The following NKAIN3 variants were observed in gnomAD, a reference collection of about 807,000 sequenced individuals.
NKAIN3 encodes sodium/potassium-transporting ATPase subunit beta-1-interacting protein 3.
NKAIN3 carries 25 observed loss-of-function variants against 30.2 expected under a neutral mutation model. The observed-to-expected ratio is 0.83, with a 90% CI of 0.60 to 1.16. The LOEUF (loss-of-function observed/expected upper bound fraction) is 1.16, where lower values mean the gene tolerates loss of function less well. Among genes scored for constraint, NKAIN3 ranks in the 50% most tolerant of loss-of-function variants. NKAIN3 has a pLI of 0.00. For missense variants in NKAIN3, 225 were observed against 254.1 expected (o/e 0.89, Z 0.78); for synonymous variants, 91 against 89.6 (o/e 1.02, Z -0.09).
intron 1 of NKAIN3, among the ~76,000 whole-genome samples, chr8:62,515,765 G>T (rs185556586): frequency 2.9e-3 from 446 of 152,058 alleles, no homozygotes; most frequent in African/African-American, 9.3e-3. Flanking sequence ...TCTAATTTTT[G>T]CCAGTCTGAT....
intron 1 of NKAIN3, among the ~76,000 whole-genome samples, chr8:62,518,395 A>G (rs1388370258): frequency 6.6e-6 from 1 of 152,062 alleles, no homozygotes; most frequent in African/African-American, 2.4e-5. Flanking sequence ...GATTCCATCA[A>G]TCATTGAATT....
intron 1 of NKAIN3, among the ~76,000 whole-genome samples, chr8:62,510,733 GCACAGTGA>G: frequency 6.6e-6 from 1 of 152,010 alleles, no homozygotes; most frequent in Non-Finnish European, 1.5e-5. Flanking sequence ...AGTTTTAGGG[GCACAGTGA>G]GATCATTTTG....
chr8:62,890,614 A>C (rs538454977), intron 4 of NKAIN3, among the ~76,000 whole-genome samples: 1 of 152,362 alleles, frequency 6.6e-6, no homozygotes, highest in East Asian at 1.9e-4. Flanking sequence ...ACAAAGAATT[A>C]GCATTCCATA....
chr8:62,453,483 G>T (rs1805715411), intron 1 of NKAIN3, among the ~76,000 whole-genome samples: 1 of 152,030 alleles, frequency 6.6e-6, no homozygotes, highest in African/African-American at 2.4e-5. Flanking sequence ...ATAACCAAGA[G>T]TAAACCAGCC....
At chr8:62,835,719 GA>G (rs1346747465) in intron 4 of NKAIN3, among the ~76,000 whole-genome samples, 1 of 152,058 alleles carries the variant, frequency 6.6e-6, no homozygotes, top group Admixed American at 6.6e-5. Flanking sequence ...TGAAGAAAAA[GA>G]AACACTTACA....
chr8:62,640,726 AC>A (rs1174507120), intron 3 of NKAIN3, among the ~76,000 whole-genome samples: 1 of 152,040 alleles, frequency 6.6e-6, no homozygotes, highest in Non-Finnish European at 1.5e-5. Flanking sequence ...CCCTCATATC[AC>A]TAAAGGTATC....
At chr8:62,900,875 G>A (rs2130836946) in intron 4 of NKAIN3, among the ~76,000 whole-genome samples, 1 of 152,234 alleles carries the variant, frequency 6.6e-6, no homozygotes, top group South Asian at 2.1e-4. Flanking sequence ...ACCATCAACT[G>A]TGAGGTGAGT....
chr8:62,954,182 C>T (rs999631737), intron 6 of NKAIN3, among the ~76,000 whole-genome samples: 9 of 152,102 alleles, frequency 5.9e-5, no homozygotes, highest in Non-Finnish European at 8.8e-5. Flanking sequence ...ATTTATATTT[C>T]AAAAACAATA....
chr8:62,825,596 G>A (rs1055515527), intron 4 of NKAIN3, among the ~76,000 whole-genome samples: 1 of 152,096 alleles, frequency 6.6e-6, no homozygotes, highest in Non-Finnish European at 1.5e-5. Flanking sequence ...CCTACTGAGC[G>A]AAACAATGGT....
chr8:62,255,602 A>T (rs905293053), intron 1 of NKAIN3, among the ~76,000 whole-genome samples: 5 of 152,224 alleles, frequency 3.3e-5, no homozygotes, highest in African/African-American at 1.2e-4. Flanking sequence ...AGGTAGAACA[A>T]ACCTAGGTTT....
chr8:62,694,692 C>T (rs1814096140), intron 3 of NKAIN3, among the ~76,000 whole-genome samples: 1 of 152,284 alleles, frequency 6.6e-6, no homozygotes, highest in Middle Eastern at 3.4e-3. Flanking sequence ...AACTAAACTA[C>T]CTGGTTACCC....
intron 4 of NKAIN3, among the ~76,000 whole-genome samples, chr8:62,868,341 CT>C (rs35914769): frequency 0.25 from 35,909 of 146,232 alleles, 4,671 homozygotes; most frequent in Non-Finnish European, 0.31. Flanking sequence ...AGTTCATTTC[CT>C]TTTTTTTTTT....
At chr8:62,647,008 G>C (rs1288331044) in intron 3 of NKAIN3, among the ~76,000 whole-genome samples, 1 of 152,102 alleles carries the variant, frequency 6.6e-6, no homozygotes, top group East Asian at 1.9e-4. Context: ...TTGCTATGAA[G>C]TCAATTCTTA....
rs531087571 is a variant in NKAIN3, at chr8:62,950,270, T to C, written c.533-3632T>C. ...CTCGCCCTCTGTGTACACTTTAATTTGCCCCTTTACTTGAGCTCTCATCCC... is the reference window on the plus strand; with the variant it reads ...CTCGCCCTCTGTGTACACTTTAATTCGCCCCTTTACTTGAGCTCTCATCCC... On this transcript the variant is annotated intron_variant, in intron 5 of 6. Transcript: ENST00000623646. 3.3e-5 allele frequency among the ~76,000 whole-genome samples: 5 copies of C among 152,296 alleles called. No homozygotes were observed. In the South Asian group the frequency reaches 1.0e-3, roughly 32 times the overall value.
At chr8:62,745,022 G>A (rs1301936686) in intron 3 of NKAIN3, among the ~76,000 whole-genome samples, 1 of 152,206 alleles carries the variant, frequency 6.6e-6, no homozygotes, top group Non-Finnish European at 1.5e-5. Flanking sequence ...CACTGGGAAT[G>A]TTACTACCCT....
chr8:62,861,439 TG>T (rs1485423183), intron 4 of NKAIN3, among the ~76,000 whole-genome samples: 1 of 152,228 alleles, frequency 6.6e-6, no homozygotes, highest in Non-Finnish European at 1.5e-5. Context: ...CTTGTGATTC[TG>T]GGAACTCAGG....
chr8:62,318,090 G>A (rs1378472588), intron 1 of NKAIN3, among the ~76,000 whole-genome samples: 1 of 152,128 alleles, frequency 6.6e-6, no homozygotes, highest in African/African-American at 2.4e-5. Flanking sequence ...TCTGTTATGG[G>A]TGTATAAGAA....
intron 1 of NKAIN3, among the ~76,000 whole-genome samples, chr8:62,547,997 G>T (rs79510071): frequency 6.6e-6 from 1 of 152,266 alleles, no homozygotes; most frequent in East Asian, 1.9e-4. Flanking sequence ...CCCGTACTTT[G>T]AGTACACATG....
At chr8:62,735,711 AC>A (rs1275606214) in intron 3 of NKAIN3, among the ~76,000 whole-genome samples, 1 of 152,106 alleles carries the variant, frequency 6.6e-6, no homozygotes, top group African/African-American at 2.4e-5. Flanking sequence ...TGTTAAAGAA[AC>A]TTGTTTTGTT....
Sources: allele counts gnomAD v4.1 joint callset (sites outside exome capture counted in the v4.1 genomes callset), GRCh38; gene constraint gnomAD v4.1.1; transcripts MANE v1.5; gene names NCBI Gene and HGNC (gene_info 2026-07-23, HGNC 2026-07-21).